The following LRRC14 variants were observed in gnomAD, a reference collection of about 807,000 sequenced individuals.
LRRC14 encodes leucine rich repeat containing 14.
LRRC14 carries 16 observed loss-of-function variants against 25.3 expected under a neutral mutation model. That is an observed-to-expected ratio of 0.63 (90% confidence interval 0.43 to 0.96). The LOEUF (loss-of-function observed/expected upper bound fraction) is 0.96, where lower values mean the gene tolerates loss of function less well. Among genes scored for constraint, LRRC14 ranks in the 40% least tolerant of loss-of-function variants. The pLI is 0.00. For synonymous variants in LRRC14, 359 were observed against 295.1 expected (o/e 1.22, Z -2.22); for missense variants, 594 against 660.5 (o/e 0.90, Z 1.10).
chr8:144,520,046 C>T lies in LRRC14; in HGVS notation c.321C>T (p.Pro107=), dbSNP rs1418116238. Residue 107 remains proline (P), a synonymous_variant, in exon 2 of 4, where the codon CCC becomes CCT. Transcript: ENST00000292524. ...HTSEPGASTQ[P]LCRKHALRVL... is the part of the protein sequence containing the mutation. The stretch of plus-strand genomic sequence containing the variant: ...CAGAGCCTGGGGCCAGCACACAGCC[C>T]CTCTGCAGGTATGGACTTATCTGGA... 6 of 1,604,494 alleles carry T rather than the reference C, an allele frequency of 3.7e-6. No individual in the cohort carries two copies. The highest frequency in any genetic ancestry group is 5.1e-6 in the Non-Finnish European group (6 of 1,177,416).
At position 144,523,290 on chromosome 8, in the gene LRRC14, C is replaced by T; in HGVS notation, c.*1812C>T. The T allele has an allele frequency of 6.2e-7, 1 of 1,610,924 alleles. No homozygotes were observed. Among genetic ancestry groups the T allele is most frequent in the Middle Eastern group, 1.7e-4 (1 of 6,048 alleles). On this transcript the variant is annotated 3_prime_UTR_variant, in exon 4 of 4. Coordinates refer to ENST00000292524, the MANE Select transcript of LRRC14 (RefSeq NM_014665.4). The stretch of plus-strand genomic sequence containing the variant: ...GATACGTCCAGGAGACTCTGGAGCG[C>T]CAGGCGCGGGGGCTCTGCACACATG...
At position 144,522,061 on chromosome 8, in the gene LRRC14, C is replaced by T. The variant is rs201610274; in HGVS notation, c.*583C>T. ...TTTTTTTTCTGTCCACGTTGGTCAC[C>T]CTTATCCTTATCTCTGCTGTCACCC... On this transcript the variant is annotated 3_prime_UTR_variant, in exon 4 of 4. Coordinates refer to ENST00000292524, the MANE Select transcript of LRRC14 (RefSeq NM_014665.4). The T allele has an allele frequency of 1.2e-4, 25 of 209,520 alleles. No individual in the cohort carries two copies. In the East Asian group the frequency reaches 2.6e-3, roughly 22 times the overall value. 13.0% of individuals were successfully genotyped at this position (209,520 alleles called of 1,614,324 possible).
chr8:144,521,026 AGTGGTAACGACCTGTCTGG>A lies in LRRC14; in HGVS notation c.1031_1049del (p.Ser344ThrfsTer23). The A allele has an allele frequency of 6.2e-7, 1 of 1,613,030 alleles. No homozygotes were observed. Among genetic ancestry groups the A allele is most frequent in the Non-Finnish European group, 8.5e-7 (1 of 1,180,014 alleles). On this transcript the variant is annotated frameshift_variant, in exon 4 of 4. Coordinates refer to ENST00000292524, the MANE Select transcript of LRRC14 (RefSeq NM_014665.4). LOFTEE classifies it low-confidence loss of function (END_TRUNC). ...TGCCCACCTCAAGAAGTTGGACCTG[AGTGGTAACGACCTGTCTGG>A]CAGCCAGCTGGCACCCTTCCAGGGT...
Position 144,522,951 on chromosome 8 carries a change from C to G in LRRC14, c.*1473C>G, listed in dbSNP as rs754245201. The G allele has an allele frequency of 1.9e-6, 3 of 1,571,546 alleles. No homozygotes were observed. The highest frequency in any genetic ancestry group is 2.3e-5 in the South Asian group (2 of 88,314). ...GCGTTGACCAGGAGCCGGAAGGGCACGCGGGCAGCGCCGCCGGCGTTGGAG... is the reference window on the plus strand; with the variant it reads ...GCGTTGACCAGGAGCCGGAAGGGCAGGCGGGCAGCGCCGCCGGCGTTGGAG... On this transcript the variant is annotated 3_prime_UTR_variant, in exon 4 of 4. Coordinates refer to ENST00000292524, the MANE Select transcript of LRRC14 (RefSeq NM_014665.4).
rs1816308896 is a variant in LRRC14 at position 144,524,960 on chromosome 8, G to A, written c.*3482G>A. ...GCAGCAGCAGCGGCAGCAGTGCGGGGGCCCTCAGGGCCATCTCCCGAGGCC... is the reference window on the plus strand; with the variant it reads ...GCAGCAGCAGCGGCAGCAGTGCGGGAGCCCTCAGGGCCATCTCCCGAGGCC... On this transcript the variant is annotated 3_prime_UTR_variant, in exon 4 of 4. Coordinates refer to ENST00000292524, the MANE Select transcript of LRRC14 (RefSeq NM_014665.4). 1 of 1,473,078 alleles carries A rather than the reference G, an allele frequency of 6.8e-7. No homozygotes were observed. Among genetic ancestry groups the A allele is most frequent in the Non-Finnish European group, 9.0e-7 (1 of 1,112,978 alleles). 91.3% of individuals were successfully genotyped at this position (1,473,078 alleles called of 1,614,324 possible). A position where few individuals can be genotyped will look rare whatever the true frequency, so the allele number is the denominator to read the frequency against.
At position 144,522,453 on chromosome 8, in the gene LRRC14, C is replaced by T. The variant is rs1320281982; in HGVS notation, c.*975C>T. On this transcript the variant is annotated 3_prime_UTR_variant, in exon 4 of 4. Transcript: ENST00000292524. ...CGCACCGGCCAATCTCCGGCGCCCA[C>T]GTCATCCGCGCGCCCGCGGCCCTAG... 13 of 1,398,618 alleles carry T rather than the reference C, an allele frequency of 9.3e-6. No individual in the cohort carries two copies. The highest frequency in any genetic ancestry group is 1.2e-5 in the Non-Finnish European group (13 of 1,085,298). 86.6% of individuals were successfully genotyped at this position (1,398,618 alleles called of 1,614,324 possible). A position where few individuals can be genotyped will look rare whatever the true frequency, so the allele number is the denominator to read the frequency against.
In LRRC14 at chr8:144,522,706, C is replaced by T. The variant is rs771142950; in HGVS notation, c.*1228C>T. The T allele has an allele frequency of 4.4e-6, 7 of 1,596,572 alleles. No homozygotes were observed. Among genetic ancestry groups the T allele is most frequent in the East Asian group, 2.3e-5 (1 of 43,606 alleles). On this transcript the variant is annotated 3_prime_UTR_variant, in exon 4 of 4. Coordinates refer to ENST00000292524, the MANE Select transcript of LRRC14 (RefSeq NM_014665.4). ...CGAACAGCGCTCCCTCCCCCGGAGG[C>T]CCCCGCGCCTTTTTTCGCCTGCGGC...
chr8:144,523,385 G>A lies in LRRC14; in HGVS notation c.*1907G>A. On this transcript the variant is annotated 3_prime_UTR_variant, in exon 4 of 4. Transcript: ENST00000292524. The stretch of plus-strand genomic sequence containing the variant: ...GATCCAGGCACCCAGCCAGTGCAGG[G>A]CGCAGTCACAGCGCCATGGGTTCTC... 2 of 1,548,580 alleles carry A rather than the reference G, an allele frequency of 1.3e-6. No individual in the cohort carries two copies. The highest frequency in any genetic ancestry group is 1.7e-6 in the Non-Finnish European group (2 of 1,146,580).
chr8:144,524,388 A>G lies in LRRC14; in HGVS notation c.*2910A>G, dbSNP rs1169782320. The G allele has an allele frequency of 3.1e-6, 5 of 1,593,514 alleles. No individual in the cohort carries two copies. Among genetic ancestry groups the G allele is most frequent in the East Asian group, 2.2e-5 (1 of 44,748 alleles). On this transcript the variant is annotated 3_prime_UTR_variant, in exon 4 of 4. Coordinates refer to ENST00000292524, the MANE Select transcript of LRRC14 (RefSeq NM_014665.4). ...CCTTTTCTAACTATTCCAGCCCTAC[A>G]GGGCGAGGGGCCATAATGGAGTATC... is the stretch of plus-strand genomic sequence containing the variant.
In LRRC14 at chr8:144,522,541, G is replaced by T. The variant is rs1816149423; in HGVS notation, c.*1063G>T. The stretch of plus-strand genomic sequence containing the variant: ...GTCCCGGCCCCGCCCCCTGTTCCGG[G>T]CCGCAGTCAGCGGGCGCCTCCGCCG... On this transcript the variant is annotated 3_prime_UTR_variant, in exon 4 of 4. Transcript: ENST00000292524. The T allele has an allele frequency of 6.5e-7, 1 of 1,526,888 alleles. No homozygotes were observed. The allele number at this position is 1,526,888 out of a possible 1,614,324, so 94.6% of individuals were successfully genotyped here.
chr8:144,519,677 C>G lies in LRRC14; in HGVS notation c.-49C>G. 3 of 1,512,634 alleles carry G rather than the reference C, an allele frequency of 2.0e-6. No individual in the cohort carries two copies. The highest frequency in any genetic ancestry group is 2.4e-5 in the South Asian group (2 of 84,196). 93.7% of individuals were successfully genotyped at this position (1,512,634 alleles called of 1,614,324 possible). ...TGGTAGTGGCCTAGGGTCTCTCCTCCCTGCTGAAGTCCCTCTCCTGCAGGT... is the reference window on the plus strand; with the variant it reads ...TGGTAGTGGCCTAGGGTCTCTCCTCGCTGCTGAAGTCCCTCTCCTGCAGGT... On this transcript the variant is annotated 5_prime_UTR_variant, in exon 2 of 4. Transcript: ENST00000292524.
Position 144,519,672 on chromosome 8 carries a change from T to C in LRRC14, c.-54T>C. The C allele has an allele frequency of 6.7e-7, 1 of 1,490,562 alleles. No homozygotes were observed. The highest frequency in any genetic ancestry group is 9.1e-7 in the Non-Finnish European group (1 of 1,099,284). 92.3% of individuals were successfully genotyped at this position (1,490,562 alleles called of 1,614,324 possible). On this transcript the variant is annotated 5_prime_UTR_variant, in exon 2 of 4. Transcript: ENST00000292524. ...TGGCTTGGTAGTGGCCTAGGGTCTCTCCTCCCTGCTGAAGTCCCTCTCCTG... is the reference window on the plus strand; with the variant it reads ...TGGCTTGGTAGTGGCCTAGGGTCTCCCCTCCCTGCTGAAGTCCCTCTCCTG...
At position 144,520,302 on chromosome 8, in the gene LRRC14, GGCACCATGA is replaced by G; in HGVS notation, c.398_406del (p.Thr133_Ser135del). ...GGATGATGGTGTGGAACAGGATCCT[GGCACCATGA>G]GCATGTGGGACTGTACTGCTGCCGT... On this transcript the variant is annotated inframe_deletion, in exon 3 of 4. Transcript: ENST00000292524. 6.2e-7 allele frequency: 1 copy of G among 1,612,258 alleles called. No individual in the cohort carries two copies. Among genetic ancestry groups the G allele is most frequent in the Non-Finnish European group, 8.5e-7 (1 of 1,179,992 alleles).
Position 144,523,062 on chromosome 8 carries a change from C to T in LRRC14, c.*1584C>T, listed in dbSNP as rs775173632. On this transcript the variant is annotated 3_prime_UTR_variant, in exon 4 of 4. Coordinates refer to ENST00000292524, the MANE Select transcript of LRRC14 (RefSeq NM_014665.4). ...CTGCCCGTGTCGGATGCCGAGTGTCCGCCCAGGCCCAGCAACCCGCCTTCT... is the reference window on the plus strand; with the variant it reads ...CTGCCCGTGTCGGATGCCGAGTGTCTGCCCAGGCCCAGCAACCCGCCTTCT... The T allele has an allele frequency of 2.2e-5, 35 of 1,604,068 alleles. No individual in the cohort carries two copies. The highest frequency in any genetic ancestry group is 2.2e-5 in the Non-Finnish European group (26 of 1,177,358).
chr8:144,524,180 C>G lies in LRRC14; in HGVS notation c.*2702C>G. ...CTCGGCTGATGGTGCCCAGCTGGTTCCTGCTGAGGTCCAGCAGTGCTAGGG... is the reference window on the plus strand; with the variant it reads ...CTCGGCTGATGGTGCCCAGCTGGTTGCTGCTGAGGTCCAGCAGTGCTAGGG... On this transcript the variant is annotated 3_prime_UTR_variant, in exon 4 of 4. Coordinates refer to ENST00000292524, the MANE Select transcript of LRRC14 (RefSeq NM_014665.4). 1 of 1,611,514 alleles carries G rather than the reference C, an allele frequency of 6.2e-7. No homozygotes were observed. Among genetic ancestry groups the G allele is most frequent in the South Asian group, 1.1e-5 (1 of 91,064 alleles).
chr8:144,524,300 G>A lies in LRRC14; in HGVS notation c.*2822G>A, dbSNP rs765886031. On this transcript the variant is annotated 3_prime_UTR_variant, in exon 4 of 4. Transcript: ENST00000292524. Reference sequence around the variant, plus strand: ...GTCGCTGAAGTAAGGACAGCAGATCGTGAGGAAAAAGGGCGCCGAGGTTGG... The same window carrying A: ...GTCGCTGAAGTAAGGACAGCAGATCATGAGGAAAAAGGGCGCCGAGGTTGG... The A allele has an allele frequency of 6.2e-6, 10 of 1,609,054 alleles. No individual in the cohort carries two copies. The highest frequency in any genetic ancestry group is 8.5e-6 in the Non-Finnish European group (10 of 1,179,770).
Position 144,524,468 on chromosome 8 carries a change from C to T in LRRC14, c.*2990C>T. ...GCAGGTGCAAGAAGGTGAAATCCAG[C>T]AGCCGCGCCAGCTGGTTGCCCGCCA... On this transcript the variant is annotated 3_prime_UTR_variant, in exon 4 of 4. Coordinates refer to ENST00000292524, the MANE Select transcript of LRRC14 (RefSeq NM_014665.4). 6.3e-7 allele frequency: 1 copy of T among 1,597,854 alleles called. No individual in the cohort carries two copies. Among genetic ancestry groups the T allele is most frequent in the Non-Finnish European group, 8.5e-7 (1 of 1,179,816 alleles).
In LRRC14 at chr8:144,519,661, C is replaced by T. The variant is rs532835875; in HGVS notation, c.-65C>T. The T allele has an allele frequency of 2.1e-6, 3 of 1,426,652 alleles. No individual in the cohort carries two copies. The highest frequency in any genetic ancestry group is 2.5e-5 in the South Asian group (2 of 79,476). The allele number at this position is 1,426,652 out of a possible 1,614,324, so 88.4% of individuals were successfully genotyped here. The stretch of plus-strand genomic sequence containing the variant: ...CCACTTGTGTGTGGCTTGGTAGTGG[C>T]CTAGGGTCTCTCCTCCCTGCTGAAG... On this transcript the variant is annotated 5_prime_UTR_variant, in exon 2 of 4. Transcript: ENST00000292524.
In LRRC14 at chr8:144,522,508, C is replaced by T. The variant is rs565153871; in HGVS notation, c.*1030C>T. On this transcript the variant is annotated 3_prime_UTR_variant, in exon 4 of 4. Transcript: ENST00000292524. ...GGATCTCGTAGGCGACCGGCGGGGG[C>T]ACGCGGAGTCCCGGCCCCGCCCCCT... 3.5e-5 allele frequency: 52 copies of T among 1,497,816 alleles called. No homozygotes were observed. In the Middle Eastern group the frequency reaches 5.9e-4, roughly 17 times the overall value. The allele number at this position is 1,497,816 out of a possible 1,614,324, so 92.8% of individuals were successfully genotyped here.
Sources: allele counts gnomAD v4.1 joint callset, GRCh38; gene constraint gnomAD v4.1.1; transcripts MANE v1.5; gene names NCBI Gene and HGNC (gene_info 2026-07-23, HGNC 2026-07-21).